The following DENND4C variants were observed in gnomAD, a reference collection of about 807,000 sequenced individuals.
DENND4C encodes the protein DENN domain containing 4C, also known as DENN domain-containing protein 4C.
A neutral mutation model predicts 203.0 loss-of-function variants in DENND4C; 108 were observed. The observed-to-expected ratio is 0.53, with a 90% CI of 0.46 to 0.62. The LOEUF (loss-of-function observed/expected upper bound fraction) is 0.62. Ranked by LOEUF, DENND4C falls within the 20% of genes least tolerant of loss-of-function variation. DENND4C has a pLI of 0.00. For synonymous variants in DENND4C, 871 were observed against 792.4 expected, an observed-to-expected ratio of 1.10 and a Z score of -1.67; for missense variants, 2,481 against 2,301.2, an observed-to-expected ratio of 1.08 and a Z score of -1.60.
chr9:19,323,256 A>AGAGACGGTTT (rs1843186647), intron 12 of DENND4C, among the ~76,000 whole-genome samples: 1 of 152,024 alleles, frequency 6.6e-6, no homozygotes, highest in Non-Finnish European at 1.5e-5. Flanking sequence ...ACATGGTGAA[A>AGAGACGGTTT]CCGTCTCTAC....
At chr9:19,306,598 T>A (rs1839701534) in intron 10 of DENND4C, among the ~76,000 whole-genome samples, 1 of 152,114 alleles carries the variant, frequency 6.6e-6, no homozygotes. Flanking sequence ...GTGAAGTTAA[T>A]ACTCAGATTT....
chr9:19,336,689 T>C lies in DENND4C; in HGVS notation c.2738T>C (p.Leu913Pro). 6.4e-7 allele frequency: 1 copy of C among 1,550,834 alleles called. No homozygotes were observed. The highest frequency in any genetic ancestry group is 8.7e-7 in the Non-Finnish European group (1 of 1,146,970). ...CTGCTATTGTCCTTATCTTTAGCTC[T>C]TCAAAATGTCACAGGTGGAAGTGAT... is the stretch of plus-strand genomic sequence containing the variant. ...QRSQVSSISA[L>P]QNVTGGSDGD... Residue 913 changes from leucine to proline, a missense_variant, in exon 20 of 33, where the codon CTT becomes CCT. Physicochemically the swap from Leu to Pro is moderately conservative, Grantham distance 98. Transcript: ENST00000434457.
chr9:19,345,283 A>T lies in DENND4C; in HGVS notation c.3152-638A>T, dbSNP rs147607879. On this transcript the variant is annotated intron_variant, in intron 22 of 32. Transcript: ENST00000434457. ...TATTTTTTCTCTACCTGATCAAATA[A>T]GACTGACTTCTGTGAAGGCTAGGAT... 3.3e-5 allele frequency among the ~76,000 whole-genome samples: 5 copies of T among 152,326 alleles called. No homozygotes were observed. In the East Asian group the frequency reaches 9.6e-4, roughly 29 times the overall value.
intron 1 of DENND4C, among the ~76,000 whole-genome samples, chr9:19,272,866 C>G (rs561827281): frequency 4.6e-5 from 7 of 151,320 alleles, no homozygotes; most frequent in Non-Finnish European, 8.8e-5. Context: ...CTCCCGGGTT[C>G]AAGTGATTCT....
At chr9:19,234,430 C>T (rs7037546) in intron 1 of DENND4C, among the ~76,000 whole-genome samples, 2 of 151,474 alleles carry the variant, frequency 1.3e-5, no homozygotes, top group Non-Finnish European at 1.5e-5. Flanking sequence ...TGGGGTTTCA[C>T]CGTGTTAGCC....
rs1473362152 is a variant in DENND4C, at chr9:19,373,567, CAATT to C, written c.*1397_*1400del. On this transcript the variant is annotated 3_prime_UTR_variant, in exon 33 of 33. Coordinates refer to ENST00000434457, the MANE Select transcript of DENND4C (RefSeq NM_001330640.2). The stretch of plus-strand genomic sequence containing the variant: ...TAAATACTGTGTTTTTAGGTTGAAT[CAATT>C]AAGTCTTAAAACTGTAAATTTATTA... The C allele has an allele frequency of 6.5e-5, 10 of 152,676 alleles. No homozygotes were observed. In the East Asian group the frequency reaches 1.3e-3, roughly 21 times the overall value. The allele number at this position is 152,676 out of a possible 1,614,324, so 9.5% of individuals were successfully genotyped here.
intron 28 of DENND4C, among the ~76,000 whole-genome samples, chr9:19,359,004 G>C (rs1825929451): frequency 6.6e-6 from 1 of 151,762 alleles, no homozygotes; most frequent in Admixed American, 6.5e-5. Flanking sequence ...AATGATAATG[G>C]TCTCATTCTG....
At position 19,361,961 on chromosome 9, in the gene DENND4C, T is replaced by G. The variant is rs746310674; in HGVS notation, c.5522T>G (p.Phe1841Cys). 2 of 1,554,022 alleles carry G rather than the reference T, an allele frequency of 1.3e-6. No individual in the cohort carries two copies. Among genetic ancestry groups the G allele is most frequent in the Non-Finnish European group, 1.8e-6 (2 of 1,126,148 alleles). ...REPLYVSWRN[F>C]NSEKKSSLLS... ...CCTCTGTATGTCTCATGGAGGAATT[T>G]TAGTAAGTAAAATAGAATTAAAGAC... The change falls in exon 30 of 33, where the codon TTT (phenylalanine) becomes TGT (cysteine). Residue 1841 changes from phenylalanine to cysteine, a missense_variant and splice_region_variant. Phe to Cys is a radical substitution (Grantham distance 205). Around this residue, in one of 3 missense-constraint regions of DENND4C, gnomAD observed 2,289 missense variants for 2,113.3 expected, o/e 1.08. Coordinates refer to ENST00000434457, the MANE Select transcript of DENND4C (RefSeq NM_001330640.2).
chr9:19,245,354 CT>C (rs1208441776), intron 1 of DENND4C, among the ~76,000 whole-genome samples: 1 of 151,758 alleles, frequency 6.6e-6, no homozygotes, highest in African/African-American at 2.4e-5. Flanking sequence ...GTAGTCCCAG[CT>C]ACTCGGGAGG....
At position 19,336,716 on chromosome 9, in the gene DENND4C, G is replaced by A; in HGVS notation, c.2765G>A (p.Gly922Glu). ...ALQNVTGGSD[G>E]DTVSHGSVDS... ...CAAAATGTCACAGGTGGAAGTGATG[G>A]GGACACGGTGAGCCACGGTAGTGTG... Residue 922 changes from glycine (G) to glutamate (E), a missense_variant, in exon 20 of 33, where the codon GGG becomes GAG. By Grantham distance (98) the Gly-to-Glu change is moderately conservative. Coordinates refer to ENST00000434457, the MANE Select transcript of DENND4C (RefSeq NM_001330640.2). The A allele has an allele frequency of 6.4e-7, 1 of 1,551,076 alleles. No individual in the cohort carries two copies. The highest frequency in any genetic ancestry group is 1.4e-5 in the African/African-American group (1 of 73,144).
At position 19,326,066 on chromosome 9, in the gene DENND4C, T is replaced by G; in HGVS notation, c.1992T>G (p.Val664=). Residue 664 remains valine (V), a splice_region_variant and synonymous_variant, in exon 15 of 33, where the codon GTT becomes GTG. Coordinates refer to ENST00000434457, the MANE Select transcript of DENND4C (RefSeq NM_001330640.2). ...PDKGTEKTDK[V]DFDSAEDTRL... ...TGGGGAAAAATAATGATTTTCAGGTTGATTTTGATTCAGCAGAAGATACCA... is the reference window on the plus strand; with the variant it reads ...TGGGGAAAAATAATGATTTTCAGGTGGATTTTGATTCAGCAGAAGATACCA... The G allele has an allele frequency of 6.2e-7, 1 of 1,607,832 alleles. No homozygotes were observed.
intron 1 of DENND4C, among the ~76,000 whole-genome samples, chr9:19,236,728 A>G (rs903777350): frequency 1.6e-4 from 24 of 152,168 alleles, no homozygotes; most frequent in African/African-American, 5.5e-4. Context: ...ACATAATACA[A>G]ACATTTCCTG....
At position 19,326,202 on chromosome 9, in the gene DENND4C, G is replaced by C. The variant is rs1455113076; in HGVS notation, c.2120+8G>C. On this transcript the variant is annotated splice_region_variant and intron_variant, in intron 15 of 32. Transcript: ENST00000434457. Reference sequence around the variant, plus strand: ...CCTGTCACCAAAGTACAGGTAGTAGGAAGTTTTAAAAGAGCTTAATGGCAC... The same window carrying C: ...CCTGTCACCAAAGTACAGGTAGTAGCAAGTTTTAAAAGAGCTTAATGGCAC... 6 of 1,600,746 alleles carry C rather than the reference G, an allele frequency of 3.7e-6. No homozygotes were observed. Among genetic ancestry groups the C allele is most frequent in the Non-Finnish European group, 3.4e-6 (4 of 1,176,774 alleles).
chr9:19,245,479 AT>A lies in DENND4C; in HGVS notation c.-18+14647del, dbSNP rs371491672. ...AAGACTCAGTCTCAAAAAAAAAAAA[AT>A]GTGTTCCAGGTGGCTCCAATGTATA... On this transcript the variant is annotated intron_variant, in intron 1 of 32. Coordinates refer to ENST00000434457, the MANE Select transcript of DENND4C (RefSeq NM_001330640.2). Among the ~76,000 whole-genome samples the A allele has an allele frequency of 5.3e-5, 8 of 150,126 alleles. 1 individual carries two copies. Among genetic ancestry groups the A allele is most frequent in the Non-Finnish European group, 7.4e-5 (5 of 67,416 alleles).
chr9:19,310,757 C>T (rs1429354729), intron 10 of DENND4C, among the ~76,000 whole-genome samples: 1 of 151,896 alleles, frequency 6.6e-6, no homozygotes, highest in African/African-American at 2.4e-5. Context: ...GTGCCTCCTA[C>T]AACTTGATGT....
chr9:19,346,996 T>C lies in DENND4C; in HGVS notation c.4227T>C (p.Asp1409=). 3 of 1,614,190 alleles carry C rather than the reference T, an allele frequency of 1.9e-6. No individual in the cohort carries two copies. Among genetic ancestry groups the C allele is most frequent in the South Asian group, 1.1e-5 (1 of 91,076 alleles). Residue 1409 remains aspartate, a synonymous_variant, in exon 23 of 33, where the codon GAT becomes GAC. Coordinates refer to ENST00000434457, the MANE Select transcript of DENND4C (RefSeq NM_001330640.2). The stretch of plus-strand genomic sequence containing the variant: ...ATATACTCTCAGGGCCCAAGATAGA[T>C]GTCCTGAAATCTGGTATGAAACAAG... ...LDNILSGPKI[D]VLKSGMKQAA...
At chr9:19,276,081 GT>G (rs773040818) in intron 1 of DENND4C, 76 bp from the exon 2 acceptor site, 25 of 706,058 alleles carry the variant, frequency 3.5e-5, no homozygotes, top group Non-Finnish European at 4.7e-5. Flanking sequence ...GTTGATGATT[GT>G]TAACTCAAGG....
chr9:19,336,917 T>A lies in DENND4C; in HGVS notation c.2881+85T>A, dbSNP rs1464519209. ...TCAAAAAGCTTCTTCCATTCTTGAG[T>A]TTGTGTGATATGACTACTTTAAAAG... On this transcript the variant is annotated intron_variant, in intron 20 of 32. Transcript: ENST00000434457. The A allele has an allele frequency of 3.8e-6, 5 of 1,329,128 alleles. No homozygotes were observed. The African/African-American group carries it at 7.3e-5, about 20-fold the overall frequency. The allele number at this position is 1,329,128 out of a possible 1,614,324, so 82.3% of individuals were successfully genotyped here.
At chr9:19,338,968 G>A (rs1821053552) in intron 20 of DENND4C, among the ~76,000 whole-genome samples, 2 of 152,096 alleles carry the variant, frequency 1.3e-5, no homozygotes, top group Non-Finnish European at 2.9e-5. Context: ...TGATTTTAAA[G>A]TATAGAAGTA....
Sources: gnomAD v4.1 joint callset for allele counts (sites outside exome capture counted in the v4.1 genomes callset) on GRCh38, gnomAD v4.1.1 for gene constraint, gnomAD v4.1.1 regional missense constraint, MANE v1.5 for transcripts, NCBI Gene and HGNC (gene_info 2026-07-23, HGNC 2026-07-21) for gene names.